The following AGBL4 variants were observed in gnomAD, a reference collection of about 807,000 sequenced individuals.
The protein encoded by AGBL4 is AGBL carboxypeptidase 4.
AGBL4 carries 58 observed loss-of-function variants against 66.4 expected under a neutral mutation model. The observed-to-expected ratio is 0.87, with a 90% CI of 0.71 to 1.09. The LOEUF is 1.09. Ranked by LOEUF, AGBL4 falls within the 50% of genes least tolerant of loss-of-function variation. The pLI is 0.00. For missense variants in AGBL4, 579 were observed against 631.0 expected, an observed-to-expected ratio of 0.92 and a Z score of 0.88; for synonymous variants, 234 against 222.9, an observed-to-expected ratio of 1.05 and a Z score of -0.44.
At chr1:48,833,389 T>A (rs1646600689) in intron 6 of AGBL4, among the ~76,000 whole-genome samples, 1 of 152,158 alleles carries the variant, frequency 6.6e-6, no homozygotes, top group Admixed American at 6.5e-5. Context: ...ACAATGAAAT[T>A]GGATATTTAG....
chr1:48,636,205 T>G (rs188773189), intron 8 of AGBL4, among the ~76,000 whole-genome samples: 366 of 152,186 alleles, frequency 2.4e-3, no homozygotes, highest in Non-Finnish European at 3.7e-3. Context: ...AAATGAAAAA[T>G]GGTCCTCAAT....
intron 12 of AGBL4, among the ~76,000 whole-genome samples, chr1:48,537,598 A>G (rs780359874): frequency 3.9e-5 from 6 of 152,252 alleles, no homozygotes; most frequent in Admixed American, 1.3e-4. Flanking sequence ...CTAAGTCCCC[A>G]TGTCCTCATC....
intron 3 of AGBL4, among the ~76,000 whole-genome samples, chr1:49,595,373 G>A (rs1644832753): frequency 6.6e-6 from 1 of 152,158 alleles, no homozygotes; most frequent in Non-Finnish European, 1.5e-5. Flanking sequence ...ACAGGCATGA[G>A]CCACTGCACC....
chr1:49,899,123 AGTGTAATT>A (rs1367469474), intron 1 of AGBL4, among the ~76,000 whole-genome samples: 1 of 152,164 alleles, frequency 6.6e-6, no homozygotes, highest in Non-Finnish European at 1.5e-5. Context: ...TAACTAAAAG[AGTGTAATT>A]GGATTGTTTG....
chr1:49,014,171 A>G (rs1662650351), intron 5 of AGBL4, among the ~76,000 whole-genome samples: 1 of 152,174 alleles, frequency 6.6e-6, no homozygotes. Flanking sequence ...AGTATTTTTA[A>G]AATGAAGTAG....
In AGBL4 at chr1:48,927,325, G is replaced by T. The variant is rs575277734; in HGVS notation, c.595-60095C>A. Among the ~76,000 whole-genome samples the T allele has an allele frequency of 2.0e-5, 3 of 152,310 alleles. No individual in the cohort carries two copies. The South Asian group carries it at 6.2e-4, about 32-fold the overall frequency. ...CTTACATGGCAGCAGGCAAGAGAGAGAGCATGTGCAGGGTAACTCCGCTTT... is the reference window on the plus strand; with the variant it reads ...CTTACATGGCAGCAGGCAAGAGAGATAGCATGTGCAGGGTAACTCCGCTTT... On this transcript the variant is annotated intron_variant, in intron 5 of 13. Transcript: ENST00000371839.
intron 4 of AGBL4, among the ~76,000 whole-genome samples, chr1:49,229,143 T>C (rs1205829463): frequency 6.6e-6 from 1 of 152,174 alleles, no homozygotes; most frequent in Non-Finnish European, 1.5e-5. Context: ...GGCCAATTTC[T>C]CAGATAAGTT....
At chr1:48,684,563 C>T (rs943289394) in intron 6 of AGBL4, among the ~76,000 whole-genome samples, 6 of 152,124 alleles carry the variant, frequency 3.9e-5, no homozygotes, top group African/African-American at 1.2e-4. Flanking sequence ...CTTATTTGGC[C>T]GTCCACTTGG....
intron 1 of AGBL4, among the ~76,000 whole-genome samples, chr1:49,914,895 G>A (rs978114496): frequency 6.6e-6 from 1 of 151,940 alleles, no homozygotes; most frequent in African/African-American, 2.4e-5. Context: ...GAAAAGGGGG[G>A]CTGAACTCTC....
chr1:49,179,145 T>A (rs1306925724), intron 4 of AGBL4, among the ~76,000 whole-genome samples: 1 of 152,166 alleles, frequency 6.6e-6, no homozygotes, highest in Non-Finnish European at 1.5e-5. Flanking sequence ...CAGATTTTCA[T>A]TTTCCAAGAC....
intron 3 of AGBL4, among the ~76,000 whole-genome samples, chr1:49,576,953 C>T (rs985134474): frequency 2.0e-5 from 3 of 152,150 alleles, no homozygotes; most frequent in African/African-American, 7.2e-5. Context: ...TCCCAGTGGG[C>T]AGAACTTTGA....
At chr1:49,787,090 G>A (rs978565793) in intron 2 of AGBL4, among the ~76,000 whole-genome samples, 1 of 152,188 alleles carries the variant, frequency 6.6e-6, no homozygotes, top group Non-Finnish European at 1.5e-5. Context: ...AACAGGGGAT[G>A]AAGCCCAGCC....
intron 9 of AGBL4, among the ~76,000 whole-genome samples, chr1:48,615,153 A>T (rs1330334926): frequency 6.6e-6 from 1 of 152,226 alleles, no homozygotes; most frequent in Non-Finnish European, 1.5e-5. Context: ...TGGGCAGGCC[A>T]GAAGTCCTTC....
Position 49,203,791 on chromosome 1 carries a change from C to T in AGBL4, c.377+41979G>A, listed in dbSNP as rs1388136865. ...TGCTCTCCAGCCTGGGCAACAAGAG[C>T]GAAACTCTGTCTCAAAAAACAAAAA... is the stretch of plus-strand genomic sequence containing the variant. On this transcript the variant is annotated intron_variant, in intron 4 of 13. Transcript: ENST00000371839. 2.6e-5 allele frequency among the ~76,000 whole-genome samples: 4 copies of T among 151,764 alleles called. No individual in the cohort carries two copies. The South Asian group carries it at 6.2e-4, about 24-fold the overall frequency.
intron 3 of AGBL4, among the ~76,000 whole-genome samples, chr1:49,428,154 G>C (rs540385824): frequency 2.0e-5 from 3 of 152,266 alleles, no homozygotes; most frequent in Non-Finnish European, 4.4e-5. Flanking sequence ...TGGCACATTG[G>C]CTAATGAACT....
chr1:49,816,308 T>C (rs958238287), intron 2 of AGBL4, among the ~76,000 whole-genome samples: 5 of 152,184 alleles, frequency 3.3e-5, no homozygotes, highest in East Asian at 1.9e-4. Context: ...CCCAGCAAGA[T>C]AGCCAGAAAG....
intron 3 of AGBL4, among the ~76,000 whole-genome samples, chr1:49,679,727 A>G (rs1022005908): frequency 3.9e-5 from 6 of 152,032 alleles, no homozygotes; most frequent in Non-Finnish European, 8.8e-5. Flanking sequence ...GTGTTTTTCA[A>G]TATATCTTTT....
intron 3 of AGBL4, among the ~76,000 whole-genome samples, chr1:49,515,901 G>A: frequency 8.6e-6 from 1 of 116,814 alleles, no homozygotes; most frequent in Non-Finnish European, 1.7e-5. Context: ...GGTGGGGGGA[G>A]GGGGGAGGGA....
chr1:49,697,520 T>C, intron 2 of AGBL4, 83 bp from the exon 3 acceptor site: 1 of 1,128,650 alleles, frequency 8.9e-7, no homozygotes, highest in Non-Finnish European at 1.2e-6. Context: ...TTATGCTCTC[T>C]GATAGTGGCA....
Sources: allele counts gnomAD v4.1 joint callset (sites outside exome capture counted in the v4.1 genomes callset), GRCh38; gene constraint gnomAD v4.1.1; transcripts MANE v1.5; gene names NCBI Gene and HGNC (gene_info 2026-07-23, HGNC 2026-07-21).